Variants in NKAIN3 observed in about 807,000 individuals in gnomAD.
NKAIN3 encodes sodium/potassium transporting ATPase interacting 3.
Under a neutral mutation model 30.2 loss-of-function variants are expected in NKAIN3, and 25 were observed. That is an observed-to-expected ratio of 0.83 (90% CI 0.60 to 1.16). The LOEUF (loss-of-function observed/expected upper bound fraction) is 1.16, where lower values mean the gene tolerates loss of function less well. Ranked by LOEUF, NKAIN3 falls within the 50% of genes most tolerant of loss-of-function variation. NKAIN3 has a pLI of 0.00. For synonymous variants in NKAIN3, 91 were observed against 89.6 expected (o/e 1.02, Z -0.09); for missense variants, 225 against 254.1 (o/e 0.89, Z 0.78).
At chr8:62,919,773 T>C (rs1822220628) in intron 5 of NKAIN3, among the ~76,000 whole-genome samples, 1 of 152,088 alleles carries the variant, frequency 6.6e-6, no homozygotes, top group South Asian at 2.1e-4. Flanking sequence ...GTGCATGATA[T>C]ATGAGTTGGA....
chr8:62,288,931 A>T (rs184382337), intron 1 of NKAIN3, among the ~76,000 whole-genome samples: 1 of 152,288 alleles, frequency 6.6e-6, no homozygotes, highest in East Asian at 1.9e-4. Context: ...AATGATCACC[A>T]TTCTAACTGG....
rs545214409 is a variant in NKAIN3, at chr8:62,971,434, C to T, written c.*6027C>T. On this transcript the variant is annotated 3_prime_UTR_variant, in exon 7 of 7. Coordinates refer to ENST00000623646, the MANE Select transcript of NKAIN3 (RefSeq NM_001304533.3). ...TGCAGATCACTTGAGCTTACGAGTT[C>T]GAGACCAGCCTGAGCAACATGGCAA... Among the ~76,000 whole-genome samples the T allele has an allele frequency of 8.6e-5, 13 of 151,358 alleles. No homozygotes were observed. The highest frequency in any genetic ancestry group is 1.4e-4 in the African/African-American group (6 of 41,422).
Position 62,982,749 on chromosome 8 carries a change from C to T in NKAIN3, c.*17342C>T, listed in dbSNP as rs1316910823. Reference sequence around the variant, plus strand: ...TTTCAGTTCCAAAGTTATCAAAATCCCAGGAATATTTCACAGAAAAGAGAA... The same window carrying T: ...TTTCAGTTCCAAAGTTATCAAAATCTCAGGAATATTTCACAGAAAAGAGAA... On this transcript the variant is annotated 3_prime_UTR_variant, in exon 7 of 7. Transcript: ENST00000623646. 2.0e-5 allele frequency: 3 copies of T among 151,876 alleles called. No homozygotes were observed. Among genetic ancestry groups the T allele is most frequent in the Non-Finnish European group, 2.9e-5 (2 of 67,980 alleles). The allele number at this position is 151,876 out of a possible 1,614,324, so 9.4% of individuals were successfully genotyped here.
chr8:62,565,062 A>G lies in NKAIN3; in HGVS notation c.55-14477A>G, dbSNP rs574847850. Among the ~76,000 whole-genome samples, 128 of 152,272 alleles carry G rather than the reference A, an allele frequency of 8.4e-4. 1 individual carries two copies. In the Middle Eastern group the frequency reaches 0.02, roughly 24 times the overall value. On this transcript the variant is annotated intron_variant, in intron 1 of 6. Transcript: ENST00000623646. ...TTGTTGATTCAATGAATAAATATAAATTTCATGTTATTAACTAAAATCCCA... is the reference window on the plus strand; with the variant it reads ...TTGTTGATTCAATGAATAAATATAAGTTTCATGTTATTAACTAAAATCCCA...
At chr8:62,914,936 T>A (rs1318085391) in intron 4 of NKAIN3, among the ~76,000 whole-genome samples, 2 of 152,112 alleles carry the variant, frequency 1.3e-5, no homozygotes, top group African/African-American at 2.4e-5. Flanking sequence ...GTATTTGTCC[T>A]AATGCTCTCC....
At chr8:62,430,127 C>T (rs1318618062) in intron 1 of NKAIN3, among the ~76,000 whole-genome samples, 2 of 151,768 alleles carry the variant, frequency 1.3e-5, no homozygotes, top group Non-Finnish European at 2.9e-5. Context: ...TTGCTTATTT[C>T]ACATAACATG....
chr8:62,692,771 A>G (rs1814022426), intron 3 of NKAIN3, among the ~76,000 whole-genome samples: 1 of 152,128 alleles, frequency 6.6e-6, no homozygotes, highest in Admixed American at 6.5e-5. Flanking sequence ...GTTCAAAAAT[A>G]CCTCCTCAAC....
At chr8:62,581,112 TAAAATAAA>T in intron 2 of NKAIN3, among the ~76,000 whole-genome samples, 1 of 62,754 alleles carries the variant, frequency 1.6e-5, no homozygotes, top group African/African-American at 5.0e-5. Flanking sequence ...CAAAAAAATA[TAAAATAAA>T]ATAAAATAAA....
rs1393406269 is a variant in NKAIN3 at position 62,259,213 on chromosome 8, TAAA to T, written c.54+10089_54+10091del. Reference sequence around the variant, plus strand: ...AGTATTTTGGACAACAATGAGAAGTTAAAAAGAAAACCACAAATTATTCTTTAT... The same window carrying T: ...AGTATTTTGGACAACAATGAGAAGTTAAGAAAACCACAAATTATTCTTTAT... On this transcript the variant is annotated intron_variant, in intron 1 of 6. Transcript: ENST00000623646. Among the ~76,000 whole-genome samples, 8 of 152,286 alleles carry T rather than the reference TAAA, an allele frequency of 5.3e-5. No individual in the cohort carries two copies. In the East Asian group the frequency reaches 9.6e-4, roughly 18 times the overall value.
At chr8:62,548,616 G>A (rs1046262356) in intron 1 of NKAIN3, among the ~76,000 whole-genome samples, 4 of 152,042 alleles carry the variant, frequency 2.6e-5, no homozygotes, top group Non-Finnish European at 4.4e-5. Flanking sequence ...ATTATGGCAC[G>A]TCAAACCAGT....
intron 1 of NKAIN3, among the ~76,000 whole-genome samples, chr8:62,334,535 CA>C (rs1256239766): frequency 1.3e-5 from 2 of 152,090 alleles, no homozygotes; most frequent in Non-Finnish European, 2.9e-5. Flanking sequence ...TCCAATTCAA[CA>C]AAGACCATAC....
intron 3 of NKAIN3, among the ~76,000 whole-genome samples, chr8:62,683,780 T>G (rs1813717050): frequency 6.6e-6 from 1 of 152,112 alleles, no homozygotes; most frequent in Admixed American, 6.5e-5. Flanking sequence ...TCTCACAAGC[T>G]TTTCCCTCAC....
intron 1 of NKAIN3, among the ~76,000 whole-genome samples, chr8:62,499,681 A>C (rs143745126): frequency 8.4e-4 from 128 of 152,222 alleles, no homozygotes; most frequent in African/African-American, 3.0e-3. Context: ...CAAGATTAGG[A>C]CTTATATATC....
chr8:62,981,772 C>G lies in NKAIN3; in HGVS notation c.*16365C>G, dbSNP rs1824086574. Reference sequence around the variant, plus strand: ...ACCGAAAAAAAAAAAAAAAAGATCTCTATCCCAATAGATTTTATAAAATCC... The same window carrying G: ...ACCGAAAAAAAAAAAAAAAAGATCTGTATCCCAATAGATTTTATAAAATCC... On this transcript the variant is annotated 3_prime_UTR_variant, in exon 7 of 7. Transcript: ENST00000623646. 6.7e-6 allele frequency: 1 copy of G among 149,984 alleles called. No homozygotes were observed. Among genetic ancestry groups the G allele is most frequent in the African/African-American group, 2.5e-5 (1 of 40,790 alleles). The allele number at this position is 149,984 out of a possible 1,614,324, so 9.3% of individuals were successfully genotyped here.
chr8:62,504,703 A>T lies in NKAIN3; in HGVS notation c.55-74836A>T, dbSNP rs540959267. ...ATTTTCAGGAAACACAGCAATACTC[A>T]GGTTATTCTTCTTAAAACCCTTCAG... On this transcript the variant is annotated intron_variant, in intron 1 of 6. Coordinates refer to ENST00000623646, the MANE Select transcript of NKAIN3 (RefSeq NM_001304533.3). Among the ~76,000 whole-genome samples, 3 of 152,310 alleles carry T rather than the reference A, an allele frequency of 2.0e-5. No homozygotes were observed. The East Asian group carries it at 5.8e-4, about 29-fold the overall frequency.
intron 1 of NKAIN3, among the ~76,000 whole-genome samples, chr8:62,428,344 T>G (rs1270225705): frequency 6.6e-6 from 1 of 151,954 alleles, no homozygotes; most frequent in Non-Finnish European, 1.5e-5. Flanking sequence ...TTTCCTTTCT[T>G]TTGAATACGT....
At chr8:62,380,018 A>T (rs1817221472) in intron 1 of NKAIN3, among the ~76,000 whole-genome samples, 2 of 152,202 alleles carry the variant, frequency 1.3e-5, no homozygotes, top group African/African-American at 4.8e-5. Flanking sequence ...AATTCAATGT[A>T]TTTAAGGAAA....
rs187833121 is a variant in NKAIN3 at position 62,433,745 on chromosome 8, A to G, written c.55-145794A>G. ...AATAATTTAAATTTTATTTGACATT[A>G]AATTTAGTTATTTAAATTAATTGGA... On this transcript the variant is annotated intron_variant, in intron 1 of 6. Coordinates refer to ENST00000623646, the MANE Select transcript of NKAIN3 (RefSeq NM_001304533.3). Among the ~76,000 whole-genome samples, 280 of 152,278 alleles carry G rather than the reference A, an allele frequency of 1.8e-3. 4 individuals carry two copies. The highest frequency in any genetic ancestry group is 9.7e-4 in the East Asian group (5 of 5,180).
chr8:62,936,383 G>A (rs768301390), intron 5 of NKAIN3, among the ~76,000 whole-genome samples: 17 of 152,162 alleles, frequency 1.1e-4, no homozygotes, highest in South Asian at 2.1e-4. Context: ...TCAGCACTCC[G>A]CATGTGAATT....
Sources: gnomAD v4.1 joint callset for allele counts (sites outside exome capture counted in the v4.1 genomes callset) on GRCh38, gnomAD v4.1.1 for gene constraint, MANE v1.5 for transcripts, NCBI Gene and HGNC (gene_info 2026-07-23, HGNC 2026-07-21) for gene names.